Variants in KRIT1 observed in about 807,000 individuals in gnomAD.
KRIT1 encodes KRIT1 ankyrin repeat containing.
A neutral mutation model predicts 95.8 loss-of-function variants in KRIT1; 45 were observed. That is an observed-to-expected ratio of 0.47 (90% confidence interval 0.37 to 0.60). KRIT1 has a LOEUF of 0.60. KRIT1 is among the 20% of genes least tolerant of loss of function. The probability of loss-of-function intolerance (pLI) is 0.00; values close to 1 mark genes in which losing one functional copy is unlikely to be tolerated. For synonymous variants in KRIT1, 282 were observed against 278.8 expected, an observed-to-expected ratio of 1.01 and a Z score of -0.11; for missense variants, 788 against 877.5, an observed-to-expected ratio of 0.90 and a Z score of 1.29.
rs762248954 is a variant in KRIT1, at chr7:92,236,507, T to A, written c.391A>T (p.Ile131Phe). 6.3e-7 allele frequency: 1 copy of A among 1,575,772 alleles called. No homozygotes were observed. The highest frequency in any genetic ancestry group is 1.4e-5 in the African/African-American group (1 of 74,058). The change falls in exon 7 of 19, where the codon ATT becomes TTT. Residue 131 changes from isoleucine to phenylalanine, a missense_variant. Ile to Phe is a conservative substitution (Grantham distance 21). Around this residue, in one of 3 missense-constraint regions of KRIT1, gnomAD observed 289 missense variants for 277.5 expected, o/e 1.04. Coordinates refer to ENST00000394505, the MANE Select transcript of KRIT1 (RefSeq NM_194454.3). ...ATAATATCTTGTAAGCAGTAAAAAA[T>A]TGGGCATCCTGGGGTATATGTGTAT... ...TKYTYTPGCP[I>F]FYCLQDIMRV... is the part of the protein sequence containing the mutation.
intron 5 of KRIT1, among the ~76,000 whole-genome samples, chr7:92,240,307 T>C (rs1252617913): frequency 6.6e-6 from 1 of 152,186 alleles, no homozygotes; most frequent in Non-Finnish European, 1.5e-5. Flanking sequence ...GTACACTGAA[T>C]AAGCTTTGAA....
intron 10 of KRIT1, 148 bp from the exon 11 acceptor site, chr7:92,226,830 G>A (rs1360122946): frequency 1.7e-5 from 12 of 690,664 alleles, no homozygotes; most frequent in Non-Finnish European, 2.7e-5. Flanking sequence ...GGATTATTAA[G>A]ATACTGACAT....
At position 92,236,493 on chromosome 7, in the gene KRIT1, T is replaced by A. The variant is rs1326222585; in HGVS notation, c.405A>T (p.Leu135Phe). The change falls in exon 7 of 19, where the codon TTA (leucine) becomes TTT (phenylalanine). Residue 135 changes from leucine to phenylalanine, a missense_variant. This residue lies in a region of KRIT1 where 289 missense variants were observed against 277.5 expected (regional missense o/e 1.04). Coordinates refer to ENST00000394505, the MANE Select transcript of KRIT1 (RefSeq NM_194454.3). ...CACTACAGACTCGCATAATATCTTG[T>A]AAGCAGTAAAAAATTGGGCATCCTG... Reference protein sequence around the residue: ...YTPGCPIFYCLQDIMRVCSES... With the variant: ...YTPGCPIFYCFQDIMRVCSES... 1 of 1,588,044 alleles carries A rather than the reference T, an allele frequency of 6.3e-7. No homozygotes were observed. The highest frequency in any genetic ancestry group is 1.7e-5 in the Admixed American group (1 of 59,986).
rs1481817287 is a variant in KRIT1 at position 92,235,393 on chromosome 7, C to T, written c.729+10G>A. 2 of 1,613,168 alleles carry T rather than the reference C, an allele frequency of 1.2e-6. No individual in the cohort carries two copies. The highest frequency in any genetic ancestry group is 1.7e-6 in the Non-Finnish European group (2 of 1,179,424). ...TTTTAAATCAGAGCTAAAATTCATTCAACTCTTACCCGATTTGTATACTGA... is the reference window on the plus strand; with the variant it reads ...TTTTAAATCAGAGCTAAAATTCATTTAACTCTTACCCGATTTGTATACTGA... On this transcript the variant is annotated intron_variant, in intron 8 of 18. Coordinates refer to ENST00000394505, the MANE Select transcript of KRIT1 (RefSeq NM_194454.3).
chr7:92,214,389 A>AT, intron 15 of KRIT1, among the ~76,000 whole-genome samples: 1 of 152,246 alleles, frequency 6.6e-6, no homozygotes, highest in Non-Finnish European at 1.5e-5. Flanking sequence ...ATAAAGAAAA[A>AT]TATAAAGTAT....
At chr7:92,229,653 T>C (rs1418578004) in intron 10 of KRIT1, among the ~76,000 whole-genome samples, 1 of 152,236 alleles carries the variant, frequency 6.6e-6, no homozygotes, top group African/African-American at 2.4e-5. Context: ...AATTCCATTA[T>C]GCCTCTGAAA....
chr7:92,200,454 A>C lies in KRIT1; in HGVS notation c.*282T>G, dbSNP rs1450919372. On this transcript the variant is annotated 3_prime_UTR_variant, in exon 19 of 19. Coordinates refer to ENST00000394505, the MANE Select transcript of KRIT1 (RefSeq NM_194454.3). ...ACTACAACCTCCACCTCCTGGGTTTAAGCGATCTCCCACCTTGGCCTCCCT... is the reference window on the plus strand; with the variant it reads ...ACTACAACCTCCACCTCCTGGGTTTCAGCGATCTCCCACCTTGGCCTCCCT... The C allele has an allele frequency of 5.1e-6, 2 of 390,632 alleles. No individual in the cohort carries two copies. Among genetic ancestry groups the C allele is most frequent in the Non-Finnish European group, 9.7e-6 (2 of 206,804 alleles). The allele number at this position is 390,632 out of a possible 1,614,324, so 24.2% of individuals were successfully genotyped here. A position where few individuals can be genotyped will look rare whatever the true frequency, so the allele number is the denominator to read the frequency against.
intron 14 of KRIT1, among the ~76,000 whole-genome samples, chr7:92,218,960 T>C (rs1794562247): frequency 6.6e-6 from 1 of 152,202 alleles, no homozygotes; most frequent in Non-Finnish European, 1.5e-5. Flanking sequence ...ATGAGTTTTA[T>C]GGTTTTAGCA....
intron 12 of KRIT1, among the ~76,000 whole-genome samples, chr7:92,224,775 CTGAA>C (rs1483571684): frequency 6.6e-6 from 1 of 152,130 alleles, no homozygotes; most frequent in Non-Finnish European, 1.5e-5. Context: ...CTTGCTGAGA[CTGAA>C]TGATGTGCAA....
chr7:92,240,665 AC>A (rs1453976726), intron 5 of KRIT1, among the ~76,000 whole-genome samples: 16 of 152,322 alleles, frequency 1.1e-4, no homozygotes, highest in African/African-American at 3.4e-4. Flanking sequence ...ATGAACATTA[AC>A]TTTTACTTAG....
intron 10 of KRIT1, among the ~76,000 whole-genome samples, chr7:92,229,165 T>C (rs1310333811): frequency 1.3e-5 from 2 of 152,192 alleles, no homozygotes; most frequent in Non-Finnish European, 2.9e-5. Flanking sequence ...GGAATTGCCA[T>C]ACTGCTTTTC....
At chr7:92,211,198 G>C (rs185114028) in intron 17 of KRIT1, among the ~76,000 whole-genome samples, 2 of 152,130 alleles carry the variant, frequency 1.3e-5, no homozygotes, top group Admixed American at 1.3e-4. Context: ...CAAAGGAAAG[G>C]AAATCAGTGG....
At chr7:92,225,395 C>G in intron 12 of KRIT1, among the ~76,000 whole-genome samples, 1 of 152,118 alleles carries the variant, frequency 6.6e-6, no homozygotes. Flanking sequence ...GCAACCTCCA[C>G]CTCCTGGGTT....
intron 15 of KRIT1, among the ~76,000 whole-genome samples, chr7:92,214,252 G>A (rs1365326631): frequency 1.3e-5 from 2 of 152,070 alleles, no homozygotes; most frequent in Non-Finnish European, 2.9e-5. Flanking sequence ...AAACCTCAGT[G>A]TTTTCTCTCA....
At chr7:92,239,670 G>C (rs1267126054) in intron 5 of KRIT1, among the ~76,000 whole-genome samples, 1 of 151,038 alleles carries the variant, frequency 6.6e-6, no homozygotes, top group Non-Finnish European at 1.5e-5. Context: ...TTCTCTTTGT[G>C]AGACTCGGAG....
intron 10 of KRIT1, among the ~76,000 whole-genome samples, chr7:92,231,922 C>T (rs1203367425): frequency 6.6e-6 from 1 of 152,006 alleles, no homozygotes; most frequent in Non-Finnish European, 1.5e-5. Flanking sequence ...TACATTTTTA[C>T]AATATTTATT....
chr7:92,245,943 C>A (rs778403234), upstream of KRIT1: 5 of 247,356 alleles, frequency 2.0e-5, no homozygotes, highest in Non-Finnish European at 3.2e-5. Flanking sequence ...ACACCCTTTG[C>A]AGCCTCGCGG....
chr7:92,210,994 AG>A (rs1792684941), intron 17 of KRIT1, among the ~76,000 whole-genome samples: 1 of 152,214 alleles, frequency 6.6e-6, no homozygotes, highest in Non-Finnish European at 1.5e-5. Flanking sequence ...ATCCCACCCC[AG>A]TTAGAATGGC....
rs1035887651 is a variant in KRIT1, at chr7:92,213,117, C to T, written c.2025+78G>A. The T allele has an allele frequency of 1.1e-4, 104 of 982,874 alleles. No homozygotes were observed. The African/African-American group carries it at 1.4e-3, about 13-fold the overall frequency. The allele number at this position is 982,874 out of a possible 1,614,324, so 60.9% of individuals were successfully genotyped here. On this transcript the variant is annotated intron_variant, in intron 17 of 18. Coordinates refer to ENST00000394505, the MANE Select transcript of KRIT1 (RefSeq NM_194454.3). ...GAACAGTCTTGTATATATGCCATTTCTAAATTCTTCATGTAGGTTGGTACT... is the reference window on the plus strand; with the variant it reads ...GAACAGTCTTGTATATATGCCATTTTTAAATTCTTCATGTAGGTTGGTACT...
Sources: allele counts gnomAD v4.1 joint callset (sites outside exome capture counted in the v4.1 genomes callset), GRCh38; gene constraint gnomAD v4.1.1; regional missense constraint gnomAD v4.1.1; transcripts MANE v1.5; gene names NCBI Gene and HGNC (gene_info 2026-07-23, HGNC 2026-07-21).